The following PCCB variants were observed in gnomAD, a reference collection of about 807,000 sequenced individuals.
The protein encoded by PCCB is propionyl-CoA carboxylase beta chain, mitochondrial.
In PCCB, 43 loss-of-function variants were observed where a neutral mutation model predicts 60.7. That is an observed-to-expected ratio of 0.71 (90% CI 0.55 to 0.91). The LOEUF is 0.91. Ranked by LOEUF, PCCB falls within the 40% of genes least tolerant of loss-of-function variation. The pLI is 0.00. For missense variants in PCCB, 766 were observed against 702.8 expected (o/e 1.09, Z -1.02); for synonymous variants, 276 against 255.9 (o/e 1.08, Z -0.75).
intron 5 of PCCB, among the ~76,000 whole-genome samples, chr3:136,266,156 TCTCA>T (rs1941978196): frequency 7.2e-6 from 1 of 139,402 alleles, no homozygotes; most frequent in Non-Finnish European, 1.5e-5. Context: ...TGAGATGGAG[TCTCA>T]CTCTGTGGCC....
chr3:136,312,851 G>T lies in PCCB; in HGVS notation c.967-4090G>T, dbSNP rs75268855. On this transcript the variant is annotated intron_variant, in intron 9 of 14. Coordinates refer to ENST00000251654, the MANE Select transcript of PCCB (RefSeq NM_000532.5). Reference sequence around the variant, plus strand: ...TGCTAGAAGAAACTCTTGGCAGCATGTATCCCAGAGTATGAATATTCTTAA... The same window carrying T: ...TGCTAGAAGAAACTCTTGGCAGCATTTATCCCAGAGTATGAATATTCTTAA... 1.1e-4 allele frequency among the ~76,000 whole-genome samples: 16 copies of T among 152,298 alleles called. No homozygotes were observed. The East Asian group carries it at 3.1e-3, about 29-fold the overall frequency.
chr3:136,274,732 C>T (rs1057404534), intron 5 of PCCB, among the ~76,000 whole-genome samples: 1 of 152,086 alleles, frequency 6.6e-6, no homozygotes, highest in Non-Finnish European at 1.5e-5. Flanking sequence ...AACTTTTAGC[C>T]TTCTCTTCTC....
At chr3:136,281,600 G>A (rs1215110275) in intron 5 of PCCB, among the ~76,000 whole-genome samples, 1 of 151,914 alleles carries the variant, frequency 6.6e-6, no homozygotes, top group Non-Finnish European at 1.5e-5. Flanking sequence ...TGACTATTAA[G>A]TCCAATATCT....
At chr3:136,301,701 G>A (rs561207043) in intron 9 of PCCB, among the ~76,000 whole-genome samples, 37 of 152,220 alleles carry the variant, frequency 2.4e-4, no homozygotes, top group East Asian at 9.6e-4. Context: ...GCAACACATC[G>A]TGATGGCTCT....
chr3:136,263,346 A>G lies in PCCB; in HGVS notation c.543+1281A>G, dbSNP rs572840750. Among the ~76,000 whole-genome samples, 33 of 150,042 alleles carry G rather than the reference A, an allele frequency of 2.2e-4. No individual in the cohort carries two copies. In the South Asian group the frequency reaches 7.0e-3, roughly 32 times the overall value. ...AGTGGCATGATCTCTGCTCACTGCA[A>G]CCTCAGCCTCCTGGGCTCAAGCGAT... On this transcript the variant is annotated intron_variant, in intron 5 of 14. Transcript: ENST00000251654.
chr3:136,285,981 T>C lies in PCCB; in HGVS notation c.654+2034T>C, dbSNP rs570413964. Among the ~76,000 whole-genome samples the C allele has an allele frequency of 2.6e-5, 4 of 152,292 alleles. No individual in the cohort carries two copies. The East Asian group carries it at 5.8e-4, about 22-fold the overall frequency. ...ACACAAGGTAATTATAAAGTTCTTA[T>C]GGGAGGAAGAAACACCATGCAAGAA... is the stretch of plus-strand genomic sequence containing the variant. On this transcript the variant is annotated intron_variant, in intron 6 of 14. Coordinates refer to ENST00000251654, the MANE Select transcript of PCCB (RefSeq NM_000532.5).
At position 136,250,448 on chromosome 3, in the gene PCCB, G is replaced by C; in HGVS notation, c.73G>C (p.Val25Leu). ...SVLASGLRAA[V>L]RSLCSQATSV... ...TCTGGCGAGCGGTCTCCGCGCCGCG[G>C]TCCGCAGCCTTTGCAGCCAGGCCAC... is the stretch of plus-strand genomic sequence containing the variant. Residue 25 changes from valine to leucine, a missense_variant, in exon 1 of 15, where the codon GTC (valine) becomes CTC (leucine). Coordinates refer to ENST00000251654, the MANE Select transcript of PCCB (RefSeq NM_000532.5). 6.2e-7 allele frequency: 1 copy of C among 1,604,482 alleles called. No homozygotes were observed.
In PCCB at chr3:136,293,742, A is replaced by G; in HGVS notation, c.655-14A>G. ...TGCTCTGAGGTTGACTGTTCTGGAA[A>G]TCTTTTATTTCAGGACACCTCCTAC... On this transcript the variant is annotated splice_polypyrimidine_tract_variant and intron_variant, in intron 6 of 14. Coordinates refer to ENST00000251654, the MANE Select transcript of PCCB (RefSeq NM_000532.5). 2 of 1,543,446 alleles carry G rather than the reference A, an allele frequency of 1.3e-6. No individual in the cohort carries two copies. Among genetic ancestry groups the G allele is most frequent in the Non-Finnish European group, 1.8e-6 (2 of 1,116,182 alleles).
rs769430811 is a variant in PCCB at position 136,256,542 on chromosome 3, A to G, written c.304-13A>G. On this transcript the variant is annotated splice_polypyrimidine_tract_variant and intron_variant, in intron 2 of 14. Coordinates refer to ENST00000251654, the MANE Select transcript of PCCB (RefSeq NM_000532.5). ...TGGATTTTTTAACCTTTATTTTTGC[A>G]TTTTTCTGGTAGTTTCCTGGAGACA... 1.9e-6 allele frequency: 3 copies of G among 1,604,124 alleles called. No individual in the cohort carries two copies. The highest frequency in any genetic ancestry group is 3.3e-5 in the Admixed American group (2 of 59,966).
In PCCB at chr3:136,250,563, G is replaced by T. The variant is rs879253813; in HGVS notation, c.183+5G>T. ...ATTGACGCGCAGCACAAGCGAGTGAGTCCTGAGGGGCCTAAGTGAGTCCCG... is the reference window on the plus strand; with the variant it reads ...ATTGACGCGCAGCACAAGCGAGTGATTCCTGAGGGGCCTAAGTGAGTCCCG... On this transcript the variant is annotated splice_donor_5th_base_variant and intron_variant, in intron 1 of 14. Coordinates refer to ENST00000251654, the MANE Select transcript of PCCB (RefSeq NM_000532.5). The T allele has an allele frequency of 6.2e-7, 1 of 1,609,750 alleles. No homozygotes were observed. The highest frequency in any genetic ancestry group is 8.5e-7 in the Non-Finnish European group (1 of 1,178,388).
chr3:136,295,485 A>G (rs1313723840), intron 7 of PCCB, among the ~76,000 whole-genome samples: 2 of 152,202 alleles, frequency 1.3e-5, no homozygotes, highest in African/African-American at 4.8e-5. Flanking sequence ...TAGAATCAGA[A>G]CACTTCTTAG....
chr3:136,327,248 C>G lies in PCCB; in HGVS notation c.1292C>G (p.Thr431Ser). The change falls in exon 12 of 15, where the codon ACC becomes AGC. Residue 431 changes from threonine (T) to serine (S), a missense_variant. By Grantham distance (58) the Thr-to-Ser change is moderately conservative. Coordinates refer to ENST00000251654, the MANE Select transcript of PCCB (RefSeq NM_000532.5). ...EATVPKVTVITRKAYGGAYDV... is the reference protein window; with the variant it reads ...EATVPKVTVISRKAYGGAYDV... The stretch of plus-strand genomic sequence containing the variant: ...ACTGTACCCAAAGTCACAGTCATCA[C>G]CAGGAAGGTGAGGACCTCATGTTGG... 6.2e-7 allele frequency: 1 copy of G among 1,612,962 alleles called. No individual in the cohort carries two copies. The highest frequency in any genetic ancestry group is 8.5e-7 in the Non-Finnish European group (1 of 1,178,934).
At chr3:136,288,962 C>G (rs1933550080) in intron 6 of PCCB, among the ~76,000 whole-genome samples, 2 of 152,068 alleles carry the variant, frequency 1.3e-5, no homozygotes, top group African/African-American at 4.8e-5. Context: ...GCCACCATGC[C>G]TGGCCAATTT....
intron 10 of PCCB, among the ~76,000 whole-genome samples, chr3:136,323,034 C>G (rs1372378802): frequency 8.1e-6 from 1 of 124,106 alleles, no homozygotes; most frequent in African/African-American, 3.0e-5. Context: ...TTAAGATTCT[C>G]TTTTGTCTTT....
intron 2 of PCCB, 127 bp downstream of exon 2, chr3:136,256,102 C>T: frequency 7.2e-7 from 1 of 1,390,576 alleles, no homozygotes; most frequent in Non-Finnish European, 9.9e-7. Flanking sequence ...GACATCAAGC[C>T]CAGATAATTT....
chr3:136,265,795 T>C (rs1941966718), intron 5 of PCCB, among the ~76,000 whole-genome samples: 1 of 152,026 alleles, frequency 6.6e-6, no homozygotes, highest in East Asian at 1.9e-4. Flanking sequence ...GTTCTCCATA[T>C]CTTTGTTGAT....
intron 10 of PCCB, among the ~76,000 whole-genome samples, chr3:136,317,503 A>AC (rs1491262935): frequency 6.6e-6 from 1 of 152,090 alleles, no homozygotes; most frequent in African/African-American, 2.4e-5. Flanking sequence ...CGCTGGGATT[A>AC]CAGACATGAG....
At chr3:136,328,727 C>A in intron 13 of PCCB, 31 bp from the exon 14 acceptor site, 1 of 1,570,364 alleles carries the variant, frequency 6.4e-7, no homozygotes, top group Non-Finnish European at 8.8e-7. Flanking sequence ...TTGGGACGAC[C>A]AAAGATGTTC....
chr3:136,289,754 A>G (rs1418714720), intron 6 of PCCB, among the ~76,000 whole-genome samples: 2 of 128,300 alleles, frequency 1.6e-5, no homozygotes, highest in Non-Finnish European at 3.4e-5. Context: ...AGCATTCTAT[A>G]TGATTCCATT....
Sources: allele counts gnomAD v4.1 joint callset (sites outside exome capture counted in the v4.1 genomes callset), GRCh38; gene constraint gnomAD v4.1.1; transcripts MANE v1.5; gene names NCBI Gene and HGNC (gene_info 2026-07-23, HGNC 2026-07-21).